LMNTD1: variants seen among roughly 807,000 people sequenced by gnomAD.
LMNTD1 encodes lamin tail domain-containing protein 1.
A neutral mutation model predicts 50.9 loss-of-function variants in LMNTD1; 35 were observed. That is an observed-to-expected ratio of 0.69 (90% CI 0.53 to 0.91). The LOEUF is 0.91. LMNTD1 is among the 40% of genes least tolerant of loss of function. The pLI is 0.00. For synonymous variants in LMNTD1, 153 were observed against 161.9 expected (o/e 0.94, Z 0.42); for missense variants, 470 against 475.5 (o/e 0.99, Z 0.11).
intron 1 of LMNTD1, among the ~76,000 whole-genome samples, chr12:25,559,144 C>T (rs563889946): frequency 3.9e-5 from 6 of 152,006 alleles, no homozygotes; most frequent in Admixed American, 2.0e-4. Context: ...ATGCTGCACC[C>T]GTTAACTCGT....
At chr12:25,578,644 A>G (rs552274937) in intron 1 of LMNTD1, among the ~76,000 whole-genome samples, 1 of 152,328 alleles carries the variant, frequency 6.6e-6, no homozygotes, top group Admixed American at 6.5e-5. Context: ...AAACTTGGCA[A>G]TTCCCACAGT....
intron 1 of LMNTD1, among the ~76,000 whole-genome samples, chr12:25,570,511 G>T (rs1944743527): frequency 1.3e-5 from 2 of 152,174 alleles, no homozygotes; most frequent in African/African-American, 4.8e-5. Context: ...AGGCAGTGTT[G>T]TATGTACTTT....
intron 1 of LMNTD1, among the ~76,000 whole-genome samples, chr12:25,600,614 T>C: frequency 6.6e-6 from 1 of 151,790 alleles, no homozygotes; most frequent in Non-Finnish European, 1.5e-5. Flanking sequence ...AAAAATCTAA[T>C]AATCTGATCA....
intron 6 of LMNTD1, among the ~76,000 whole-genome samples, chr12:25,523,293 A>G (rs1225570618): frequency 6.6e-6 from 1 of 152,144 alleles, no homozygotes; most frequent in East Asian, 1.9e-4. Flanking sequence ...CGGCCTCCCA[A>G]AGTGCTGGGA....
chr12:25,602,373 T>C (rs974849833), intron 1 of LMNTD1, among the ~76,000 whole-genome samples: 1 of 152,114 alleles, frequency 6.6e-6, no homozygotes, highest in East Asian at 1.9e-4. Context: ...GTATTGACTT[T>C]CTTCTGTTTA....
In LMNTD1 at chr12:25,553,159, A is replaced by G. The variant is rs528692642; in HGVS notation, c.-121T>C. The G allele has an allele frequency of 5.0e-6, 8 of 1,608,280 alleles. No homozygotes were observed. The East Asian group carries it at 6.7e-5, about 13-fold the overall frequency. The stretch of plus-strand genomic sequence containing the variant: ...AACCACAATTCTCATGAGGATATGT[A>G]AGTACCAACATAGCCAATCCTGATC... On this transcript the variant is annotated 5_prime_UTR_variant, in exon 1 of 10. Transcript: ENST00000458174.
chr12:25,646,081 A>G lies in LMNTD1; in HGVS notation c.58+2413T>C, dbSNP rs566553521. ...AGGATTGAAGTCCTGTTTGTTGGCT[A>G]TTGACAGTGTAGAGGTCAAAAATAA... On this transcript the variant is annotated intron_variant, in intron 1 of 7. Transcript: ENST00000445693. Among the ~76,000 whole-genome samples, 7 of 152,230 alleles carry G rather than the reference A, an allele frequency of 4.6e-5. No individual in the cohort carries two copies. The South Asian group carries it at 1.5e-3, about 32-fold the overall frequency.
intron 9 of LMNTD1, among the ~76,000 whole-genome samples, chr12:25,488,250 C>T (rs1292171912): frequency 7.7e-6 from 1 of 130,098 alleles, no homozygotes; most frequent in African/African-American, 2.7e-5. Context: ...TTCCATTCTC[C>T]CCATCACTTT....
chr12:25,515,919 T>C (rs897297552), intron 8 of LMNTD1, among the ~76,000 whole-genome samples: 8 of 133,522 alleles, frequency 6.0e-5, no homozygotes, highest in Non-Finnish European at 9.9e-5. Flanking sequence ...CTTCCAAGTA[T>C]AATTACTTTT....
At chr12:25,539,100 C>G (rs1473625478) in intron 4 of LMNTD1, among the ~76,000 whole-genome samples, 1 of 150,082 alleles carries the variant, frequency 6.7e-6, no homozygotes, top group African/African-American at 2.5e-5. Context: ...TACAAAGAGA[C>G]TTCAACTCCC....
intron 7 of LMNTD1, among the ~76,000 whole-genome samples, chr12:25,519,476 T>C (rs1591882983): frequency 6.6e-6 from 1 of 151,162 alleles, no homozygotes; most frequent in African/African-American, 2.4e-5. Flanking sequence ...TAGTCCCAGC[T>C]ACTCATGAGG....
At chr12:25,491,993 T>G (rs1938898317) in intron 9 of LMNTD1, among the ~76,000 whole-genome samples, 1 of 152,166 alleles carries the variant, frequency 6.6e-6, no homozygotes, top group Non-Finnish European at 1.5e-5. Flanking sequence ...AAGGGAGAGA[T>G]ATACGTCCAG....
At chr12:25,639,604 C>T (rs1164241462) in intron 1 of LMNTD1, among the ~76,000 whole-genome samples, 3 of 152,106 alleles carry the variant, frequency 2.0e-5, no homozygotes, top group Non-Finnish European at 4.4e-5. Flanking sequence ...CAATAAGATC[C>T]TGTTCTCAAA....
rs143323306 is a variant in LMNTD1, at chr12:25,562,712, A to T, written c.59-16158T>A. On this transcript the variant is annotated intron_variant, in intron 1 of 7. Transcript: ENST00000445693. ...TGCTAGGTTGAGGAAGTTCTCCTGG[A>T]TAATATCCTGAAGAGTGTTTTCTAA... Among the ~76,000 whole-genome samples, 329 of 152,292 alleles carry T rather than the reference A, an allele frequency of 2.2e-3. 1 individual carries two copies. Among genetic ancestry groups the T allele is most frequent in the African/African-American group, 7.6e-3 (316 of 41,558 alleles).
At chr12:25,488,449 T>C (rs1254170931) in intron 9 of LMNTD1, among the ~76,000 whole-genome samples, 1 of 143,772 alleles carries the variant, frequency 7.0e-6, no homozygotes, top group Non-Finnish European at 1.5e-5. Flanking sequence ...TCTGCATTCT[T>C]CACGTAGTTC....
chr12:25,636,329 G>A (rs1353132684), intron 1 of LMNTD1, among the ~76,000 whole-genome samples: 1 of 152,058 alleles, frequency 6.6e-6, no homozygotes, highest in Non-Finnish European at 1.5e-5. Context: ...CTAAGGTCAT[G>A]AATAGACAAT....
At chr12:25,594,707 T>C (rs1945803105) in intron 1 of LMNTD1, among the ~76,000 whole-genome samples, 1 of 138,754 alleles carries the variant, frequency 7.2e-6, no homozygotes, top group Non-Finnish European at 1.5e-5. Flanking sequence ...AATAGCATGG[T>C]GAATGGAATG....
At position 25,585,783 on chromosome 12, in the gene LMNTD1, G is replaced by A. The variant is rs1301785488; in HGVS notation, c.59-39229C>T. 2.6e-5 allele frequency among the ~76,000 whole-genome samples: 4 copies of A among 152,168 alleles called. No homozygotes were observed. The East Asian group carries it at 7.7e-4, about 29-fold the overall frequency. Reference sequence around the variant, plus strand: ...TTTTCTCATTGGTGAGTTATGCATGGCTGGGGTGACACAAGGTTGTTCATT... The same window carrying A: ...TTTTCTCATTGGTGAGTTATGCATGACTGGGGTGACACAAGGTTGTTCATT... On this transcript the variant is annotated intron_variant, in intron 1 of 7. Transcript: ENST00000445693.
chr12:25,517,707 G>GAAT lies in LMNTD1; in HGVS notation c.1189+1085_1189+1087dup, dbSNP rs71851020. Among the ~76,000 whole-genome samples the GAAT allele has an allele frequency of 5.3e-3, 739 of 139,250 alleles. 4 individuals are homozygous for GAAT. Among genetic ancestry groups the GAAT allele is most frequent in the African/African-American group, 0.018 (672 of 37,426 alleles). 91.4% of individuals were successfully genotyped at this position (139,250 alleles called of 152,430 possible). ...ATGTACCCTAAAACTTAAAGTGTAA[G>GAAT]AATAATAATAATAATAATAATAATA... On this transcript the variant is annotated intron_variant, in intron 8 of 9. Transcript: ENST00000458174.
Sources: allele counts gnomAD v4.1 joint callset (sites outside exome capture counted in the v4.1 genomes callset), GRCh38; gene constraint gnomAD v4.1.1; transcripts MANE v1.5; gene names NCBI Gene and HGNC (gene_info 2026-07-23, HGNC 2026-07-21).